The following LMOD1 variants were observed in gnomAD, a reference collection of about 807,000 sequenced individuals.
LMOD1 encodes the protein leiomodin-1.
A neutral mutation model predicts 36.5 loss-of-function variants in LMOD1; 8 were observed. That is an observed-to-expected ratio of 0.22 (90% CI 0.13 to 0.40). The LOEUF (loss-of-function observed/expected upper bound fraction) is 0.40, where lower values mean the gene tolerates loss of function less well. Among genes scored for constraint, LMOD1 ranks in the 10% least tolerant of loss-of-function variants. LMOD1 has a pLI of 1.00. For missense variants in LMOD1, 630 were observed against 751.1 expected (o/e 0.84, Z 1.88); for synonymous variants, 284 against 288.7 (o/e 0.98, Z 0.17).
intron 1 of LMOD1, among the ~76,000 whole-genome samples, chr1:201,923,536 C>T (rs1681741228): frequency 6.6e-6 from 1 of 151,986 alleles, no homozygotes; most frequent in Non-Finnish European, 1.5e-5. Flanking sequence ...GCCTGGACAA[C>T]ATAGTGAGAC....
chr1:201,936,540 C>A (rs11584296), intron 1 of LMOD1, among the ~76,000 whole-genome samples: 1 of 151,980 alleles, frequency 6.6e-6, no homozygotes, highest in Non-Finnish European at 1.5e-5. Flanking sequence ...CTCTGACATG[C>A]TAACCCTGCC....
chr1:201,940,501 C>T (rs546871841), intron 1 of LMOD1, among the ~76,000 whole-genome samples: 2 of 152,100 alleles, frequency 1.3e-5, no homozygotes, highest in African/African-American at 4.8e-5. Flanking sequence ...AGCTCTTATA[C>T]CTACTGTCCC....
intron 1 of LMOD1, among the ~76,000 whole-genome samples, chr1:201,904,115 C>T (rs371889466): frequency 2.0e-5 from 3 of 152,202 alleles, no homozygotes; most frequent in East Asian, 1.9e-4. Context: ...CCTCTTTTCA[C>T]GCAGCCCCCT....
At chr1:201,929,309 T>C (rs2102925448) in intron 1 of LMOD1, among the ~76,000 whole-genome samples, 1 of 151,996 alleles carries the variant, frequency 6.6e-6, no homozygotes, top group Admixed American at 6.6e-5. Flanking sequence ...CTCAAACTTC[T>C]GACTGCAGGT....
At chr1:201,940,993 C>G (rs562176128) in intron 1 of LMOD1, among the ~76,000 whole-genome samples, 2 of 151,586 alleles carry the variant, frequency 1.3e-5, no homozygotes, top group East Asian at 3.9e-4. Context: ...GTGATCCACC[C>G]GCCTTGGCCT....
At chr1:201,901,546 A>ATACACATATATATATG (rs1681308571) in intron 1 of LMOD1, among the ~76,000 whole-genome samples, 3 of 43,666 alleles carry the variant, frequency 6.9e-5, no homozygotes. Context: ...ATATATATAT[A>ATACACATATATATATG]TATATACATA....
At chr1:201,932,136 G>A (rs1681934297) in intron 1 of LMOD1, among the ~76,000 whole-genome samples, 1 of 152,188 alleles carries the variant, frequency 6.6e-6, no homozygotes, top group African/African-American at 2.4e-5. Flanking sequence ...GGGGAGGACT[G>A]AGCATGAGAA....
chr1:201,932,091 GT>G (rs1300988335), intron 1 of LMOD1, among the ~76,000 whole-genome samples: 1 of 152,156 alleles, frequency 6.6e-6, no homozygotes, highest in Non-Finnish European at 1.5e-5. Context: ...TTGCTAAATG[GT>G]TACTTTCATT....
intron 1 of LMOD1, among the ~76,000 whole-genome samples, chr1:201,927,388 T>A (rs2819354): frequency 0.98 from 148,867 of 152,210 alleles, 72,895 homozygotes; most frequent in East Asian, 1. Context: ...CAACATGGTG[T>A]AACCCCATCT....
chr1:201,942,797 A>G (rs1571595379), intron 1 of LMOD1, among the ~76,000 whole-genome samples: 1 of 152,126 alleles, frequency 6.6e-6, no homozygotes. Context: ...CTGGTGGCCA[A>G]TCTTGTTTCA....
intron 1 of LMOD1, among the ~76,000 whole-genome samples, chr1:201,920,122 T>G (rs1032772398): frequency 7.3e-6 from 1 of 137,384 alleles, no homozygotes; most frequent in African/African-American, 2.7e-5. Flanking sequence ...TGCAATGGCA[T>G]GATCTTGGCT....
chr1:201,915,988 G>A (rs1008608802), intron 1 of LMOD1, among the ~76,000 whole-genome samples: 6 of 151,578 alleles, frequency 4.0e-5, no homozygotes, highest in Non-Finnish European at 5.9e-5. Context: ...GGTGTGACAC[G>A]GCTCACTGCA....
rs1385309156 is a variant in LMOD1, at chr1:201,896,633, GGACTGACAGTGA to G, written c.*1727_*1738del. 2.2e-6 allele frequency: 1 copy of G among 456,588 alleles called. No individual in the cohort carries two copies. Among genetic ancestry groups the G allele is most frequent in the Non-Finnish European group, 4.4e-6 (1 of 226,970 alleles). 28.3% of individuals were successfully genotyped at this position (456,588 alleles called of 1,614,324 possible). ...CCAGCAGGCACAGGGGGGTGCAGTG[GGACTGACAGTGA>G]GGGCTGACAGTGGAAGCTCTAGCTG... is the stretch of plus-strand genomic sequence containing the variant. On this transcript the variant is annotated 3_prime_UTR_variant, in exon 3 of 3. Coordinates refer to ENST00000367288, the MANE Select transcript of LMOD1 (RefSeq NM_012134.3).
At chr1:201,942,068 C>T (rs546311730) in intron 1 of LMOD1, among the ~76,000 whole-genome samples, 4 of 152,256 alleles carry the variant, frequency 2.6e-5, no homozygotes, top group South Asian at 4.1e-4. Context: ...GGAGAGTTCC[C>T]GGATGATTAG....
intron 1 of LMOD1, among the ~76,000 whole-genome samples, chr1:201,901,394 C>T (rs1291478688): frequency 6.7e-6 from 1 of 149,298 alleles, no homozygotes; most frequent in Non-Finnish European, 1.5e-5. Context: ...CCCAGCTACT[C>T]GGGAGGCAGA....
In LMOD1 at chr1:201,901,511, A is replaced by AATATATATATATATATATATGTATAT. The variant is rs1553295627; in HGVS notation, c.262-761_262-760insATATACATATATATATATATATATAT. On this transcript the variant is annotated intron_variant, in intron 1 of 2. Coordinates refer to ENST00000367288, the MANE Select transcript of LMOD1 (RefSeq NM_012134.3). ...GAGCGAAACTCTGTCTCAAAAAAAA[A>AATATATATATATATATATATGTATAT]ATATATATATATATATATGTATATA... Among the ~76,000 whole-genome samples, 57 of 75,188 alleles carry AATATATATATATATATATATGTATAT rather than the reference A, an allele frequency of 7.6e-4. 3 individuals are homozygous for AATATATATATATATATATATGTATAT. The highest frequency in any genetic ancestry group is 2.9e-3 in the South Asian group (7 of 2,422). The allele number at this position is 75,188 out of a possible 152,430, so 49.3% of individuals were successfully genotyped here.
Position 201,900,427 on chromosome 1 carries a change from T to C in LMOD1, c.586A>G (p.Arg196Gly). 3.2e-6 allele frequency: 5 copies of C among 1,584,128 alleles called. No individual in the cohort carries two copies. The highest frequency in any genetic ancestry group is 4.3e-6 in the Non-Finnish European group (5 of 1,164,582). The part of the protein sequence containing the change: ...KKEEEKKGSD[R>G]NTGLSRDKDK... ...TTGTCCCTGCTCAAGCCTGTGTTCC[T>C]GTCACTCCCTTTCTTCTCCTCTTCC... The change falls in exon 2 of 3, where the codon AGG becomes GGG. Residue 196 changes from arginine (R) to glycine (G), a missense_variant. By Grantham distance (125) the Arg-to-Gly change is moderately radical (BLOSUM62 -2). Coordinates refer to ENST00000367288, the MANE Select transcript of LMOD1 (RefSeq NM_012134.3).
At chr1:201,941,199 C>G (rs993855677) in intron 1 of LMOD1, among the ~76,000 whole-genome samples, 13 of 152,078 alleles carry the variant, frequency 8.5e-5, no homozygotes, top group Non-Finnish European at 1.3e-4. Flanking sequence ...TCAAGTGATC[C>G]TCCTGTCTCA....
intron 1 of LMOD1, among the ~76,000 whole-genome samples, chr1:201,942,636 G>A (rs1315335218): frequency 6.6e-6 from 1 of 151,522 alleles, no homozygotes; most frequent in African/African-American, 2.4e-5. Flanking sequence ...CCTTAAGACT[G>A]TCTTAAGGCC....
Sources: allele counts gnomAD v4.1 joint callset (sites outside exome capture counted in the v4.1 genomes callset), GRCh38; gene constraint gnomAD v4.1.1; transcripts MANE v1.5; gene names NCBI Gene and HGNC (gene_info 2026-07-23, HGNC 2026-07-21).